The following EVPLL variants were observed in gnomAD, a reference collection of about 807,000 sequenced individuals.
EVPLL encodes the protein envoplakin-like protein.
Under a neutral mutation model 46.2 loss-of-function variants are expected in EVPLL, and 39 were observed. That is an observed-to-expected ratio of 0.84 (90% CI 0.65 to 1.10). The LOEUF (loss-of-function observed/expected upper bound fraction) is 1.10. Among genes scored for constraint, EVPLL ranks in the 50% least tolerant of loss-of-function variants. The pLI, the probability that EVPLL is intolerant of heterozygous loss-of-function variation, is 0.00. For missense variants in EVPLL, 385 were observed against 412.6 expected, an observed-to-expected ratio of 0.93 and a Z score of 0.58; for synonymous variants, 156 against 165.8, an observed-to-expected ratio of 0.94 and a Z score of 0.46.
At position 18,389,411 on chromosome 17, in the gene EVPLL, A is replaced by G. The variant is rs1343356299; in HGVS notation, c.*595A>G. The G allele has an allele frequency of 9.0e-6, 1 of 111,034 alleles. No homozygotes were observed. The highest frequency in any genetic ancestry group is 1.9e-5 in the Non-Finnish European group (1 of 52,590). 6.9% of individuals were successfully genotyped at this position (111,034 alleles called of 1,614,324 possible). On this transcript the variant is annotated 3_prime_UTR_variant, in exon 11 of 11. Coordinates refer to ENST00000399134, the MANE Select transcript of EVPLL (RefSeq NM_001145127.2). ...CTCCTCCAGGCATGGAGGTCTGTCC[A>G]CTACTGGGCTTCTGGGCTATTTGCC... is the stretch of plus-strand genomic sequence containing the variant.
chr17:18,382,540 C>G lies in EVPLL; in HGVS notation c.374C>G (p.Ala125Gly). ...GCTGGTCTGCGCAGGCCAGTATGGG[C>G]CGGGCATGGCGGAGCTGGAGGAACA... ...TEAGLRRPVW[A>G]GHGGAGGTDR... Residue 125 changes from alanine to glycine, a missense_variant, in exon 5 of 11, where the codon GCC becomes GGC. Ala to Gly is a moderately conservative substitution (Grantham distance 60). Coordinates refer to ENST00000399134, the MANE Select transcript of EVPLL (RefSeq NM_001145127.2). The G allele has an allele frequency of 6.4e-7, 1 of 1,551,838 alleles. No individual in the cohort carries two copies. The highest frequency in any genetic ancestry group is 8.7e-7 in the Non-Finnish European group (1 of 1,147,060).
intron 8 of EVPLL, 49 bp from the exon 9 acceptor site, chr17:18,383,443 G>A: frequency 6.5e-7 from 1 of 1,536,736 alleles, no homozygotes; most frequent in Admixed American, 2.0e-5. Flanking sequence ...GGGTGGACGT[G>A]GGTGCGGGGG....
chr17:18,384,524 G>T (rs664958), intron 9 of EVPLL, among the ~76,000 whole-genome samples: 80,121 of 151,484 alleles, frequency 0.53, 21,988 homozygotes, highest in African/African-American at 0.65. Context: ...GAGCCCAGGA[G>T]TTGGAGACCA....
At chr17:18,386,715 G>A (rs2151632189) in intron 9 of EVPLL, among the ~76,000 whole-genome samples, 1 of 152,200 alleles carries the variant, frequency 6.6e-6, no homozygotes, top group Non-Finnish European at 1.5e-5. Context: ...TTGTGTGAAA[G>A]ATACGCAGAT....
chr17:18,387,229 AT>A (rs1035310661), intron 9 of EVPLL, among the ~76,000 whole-genome samples: 2 of 151,238 alleles, frequency 1.3e-5, no homozygotes, highest in Admixed American at 6.6e-5. Context: ...CTTTTGTATA[AT>A]TTTTTTGTTT....
intron 9 of EVPLL, among the ~76,000 whole-genome samples, chr17:18,384,952 AGAGGGAGAGGAG>A (rs1421039072): frequency 1.4e-5 from 2 of 140,658 alleles, no homozygotes; most frequent in Non-Finnish European, 3.1e-5. Context: ...GAGGAGGCTG[AGAGGGAGAGGAG>A]GATGGAGAGA....
In EVPLL at chr17:18,378,002, T is replaced by G; in HGVS notation, c.-37+19T>G. ...ACAGCTGGTGAGTGGGACTAGGGGA[T>G]GGGGAGCCAGGGAGCTAGGGTGGGG... On this transcript the variant is annotated intron_variant, in intron 1 of 10. Transcript: ENST00000399134. The G allele has an allele frequency of 4.0e-6, 3 of 755,286 alleles. No individual in the cohort carries two copies. The highest frequency in any genetic ancestry group is 5.9e-6 in the Non-Finnish European group (3 of 508,674). The allele number at this position is 755,286 out of a possible 1,614,324, so 46.8% of individuals were successfully genotyped here. A position where few individuals can be genotyped will look rare whatever the true frequency, so the allele number is the denominator to read the frequency against.
chr17:18,385,100 C>G (rs970365187), intron 9 of EVPLL, among the ~76,000 whole-genome samples: 2 of 151,202 alleles, frequency 1.3e-5, no homozygotes, highest in African/African-American at 4.9e-5. Flanking sequence ...TCGGGGCACT[C>G]TGGGTCCCAG....
rs1453220838 is a variant in EVPLL at position 18,389,224 on chromosome 17, G to GA, written c.*409dup. 1 of 149,706 alleles carries GA rather than the reference G, an allele frequency of 6.7e-6. No homozygotes were observed. The highest frequency in any genetic ancestry group is 2.5e-5 in the African/African-American group (1 of 40,298). 9.3% of individuals were successfully genotyped at this position (149,706 alleles called of 1,614,324 possible). Reference sequence around the variant, plus strand: ...CTGAGCTCCTCTACCTTACTAAAGAGAGGCCTCTTTTATTTACCAGAGCCA... The same window carrying GA: ...CTGAGCTCCTCTACCTTACTAAAGAGAAGGCCTCTTTTATTTACCAGAGCCA... On this transcript the variant is annotated 3_prime_UTR_variant, in exon 11 of 11. Transcript: ENST00000399134.
rs751745773 is a variant in EVPLL at position 18,381,427 on chromosome 17, C to T, written c.124C>T (p.Leu42=). 17 of 1,610,372 alleles carry T rather than the reference C, an allele frequency of 1.1e-5. No homozygotes were observed. The African/African-American group carries it at 1.2e-4, about 11-fold the overall frequency. Reference sequence around the variant, plus strand: ...GCACCAGCAGGAGACGGGCAGCAGCCTGAAGGAGGCCGAGGTGCTGCTCAA... The same window carrying T: ...GCACCAGCAGGAGACGGGCAGCAGCTTGAAGGAGGCCGAGGTGCTGCTCAA... The part of the protein sequence containing the change: ...LQHQQETGSS[L]KEAEVLLKDL... Residue 42 remains leucine (L), a synonymous_variant, in exon 3 of 11, where the codon CTG becomes TTG. Coordinates refer to ENST00000399134, the MANE Select transcript of EVPLL (RefSeq NM_001145127.2). The surrounding 1 kb of genome is among the most constrained non-coding windows in gnomAD (Gnocchi z 4.2).
chr17:18,377,925 TC>T lies in EVPLL; in HGVS notation c.-90del. 1 of 1,125,292 alleles carries T rather than the reference TC, an allele frequency of 8.9e-7. No homozygotes were observed. The highest frequency in any genetic ancestry group is 1.2e-6 in the Non-Finnish European group (1 of 814,714). The allele number at this position is 1,125,292 out of a possible 1,614,324, so 69.7% of individuals were successfully genotyped here. On this transcript the variant is annotated 5_prime_UTR_variant, in exon 1 of 11. The change abolishes the stop of an existing upstream ORF in the 5' untranslated region. Transcript: ENST00000399134. ...GAGCAAAGGCTCCCAGGGGAAGGGG[TC>T]CCCCAAGGACTCCCCAGCCAAGGGG... is the stretch of plus-strand genomic sequence containing the variant.
At position 18,383,708 on chromosome 17, in the gene EVPLL, C is replaced by T. The variant is rs193038432; in HGVS notation, c.876+121C>T. On this transcript the variant is annotated intron_variant, in intron 9 of 10. Coordinates refer to ENST00000399134, the MANE Select transcript of EVPLL (RefSeq NM_001145127.2). ...ACAGAGCTGGCAAGTCGCGGTGGCT[C>T]ACACCTGTAATCCCAGCACTTTGGG... The T allele has an allele frequency of 4.5e-4, 403 of 890,384 alleles. 3 individuals are homozygous for T. The East Asian group carries it at 6.9e-3, about 15-fold the overall frequency. 55.2% of individuals were successfully genotyped at this position (890,384 alleles called of 1,614,324 possible). A position where few individuals can be genotyped will look rare whatever the true frequency, so the allele number is the denominator to read the frequency against.
Position 18,381,471 on chromosome 17 carries a change from G to A in EVPLL, c.168G>A (p.Val56=). 1 of 1,613,850 alleles carries A rather than the reference G, an allele frequency of 6.2e-7. No homozygotes were observed. The highest frequency in any genetic ancestry group is 1.1e-5 in the South Asian group (1 of 91,074). The change falls in exon 3 of 11, where the codon GTG becomes GTA. Residue 56 remains valine, a synonymous_variant. Transcript: ENST00000399134. This position sits in a 1 kb window ranked among gnomAD's most constrained non-coding sequence, Gnocchi z 4.2. ...TGCTCAAGGACCTCTTCCTGGACGT[G>A]GACAAGGCCCGGCGGCTCAAGCACC... ...EVLLKDLFLD[V]DKARRLKHPQ... is the part of the protein sequence containing the mutation.
At position 18,381,870 on chromosome 17, in the gene EVPLL, A is replaced by G. The variant is rs1207187805; in HGVS notation, c.346+140A>G. 4.4e-6 allele frequency: 6 copies of G among 1,365,864 alleles called. No homozygotes were observed. In the Admixed American group the frequency reaches 7.9e-5, roughly 18 times the overall value. 84.6% of individuals were successfully genotyped at this position (1,365,864 alleles called of 1,614,324 possible). On this transcript the variant is annotated intron_variant, in intron 4 of 10. Coordinates refer to ENST00000399134, the MANE Select transcript of EVPLL (RefSeq NM_001145127.2). The surrounding 1 kb of genome is among the most constrained non-coding windows in gnomAD (Gnocchi z 4.2). The stretch of plus-strand genomic sequence containing the variant: ...TGGGCAGGGAGACAGCAGAGGAGAC[A>G]GTGCAGTCAGGGAAGACTTCCTGTA...
chr17:18,388,210 T>C lies in EVPLL; in HGVS notation c.877-9T>C. 4 of 1,427,046 alleles carry C rather than the reference T, an allele frequency of 2.8e-6. No individual in the cohort carries two copies. Among genetic ancestry groups the C allele is most frequent in the Non-Finnish European group, 3.9e-6 (4 of 1,034,450 alleles). 88.4% of individuals were successfully genotyped at this position (1,427,046 alleles called of 1,614,324 possible). On this transcript the variant is annotated splice_polypyrimidine_tract_variant and intron_variant, in intron 9 of 10. Coordinates refer to ENST00000399134, the MANE Select transcript of EVPLL (RefSeq NM_001145127.2). The stretch of plus-strand genomic sequence containing the variant: ...CCCCACCCATCTTTTGTTTTCTTTC[T>C]TTCCACAGATTCTGTGTCCATCTTC...
rs750447757 is a variant in EVPLL at position 18,383,035 on chromosome 17, C to A, written c.522C>A (p.Val174=). Reference sequence around the variant, plus strand: ...GGGTCCTGAGCACAGAGGGCGGCGTCGTGGCGCGGGCAGAGCCTGGGCAGC... The same window carrying A: ...GGGTCCTGAGCACAGAGGGCGGCGTAGTGGCGCGGGCAGAGCCTGGGCAGC... ...EPIPRPTEGG[V]VARAEPGQPV... is the part of the protein sequence containing the mutation. Residue 174 remains valine (V), a synonymous_variant, in exon 7 of 11, where the codon GTC becomes GTA. Coordinates refer to ENST00000399134, the MANE Select transcript of EVPLL (RefSeq NM_001145127.2). 3 of 1,558,384 alleles carry A rather than the reference C, an allele frequency of 1.9e-6. No individual in the cohort carries two copies. In the East Asian group the frequency reaches 7.1e-5, roughly 37 times the overall value.
chr17:18,382,027 G>A, intron 4 of EVPLL: 3 of 476,926 alleles, frequency 6.3e-6, no homozygotes, highest in Non-Finnish European at 1.1e-5. Context: ...GATTCGATGG[G>A]AAGTGGGGAT....
intron 1 of EVPLL, chr17:18,380,225 G>GA (rs886124929): frequency 1.3e-5 from 2 of 152,416 alleles, no homozygotes; most frequent in Admixed American, 1.3e-4. Context: ...CGAATGCACA[G>GA]AAAAAGCCCT....
intron 1 of EVPLL, 46 bp from the exon 2 acceptor site, chr17:18,380,856 G>C: frequency 6.7e-7 from 1 of 1,495,628 alleles, no homozygotes; most frequent in South Asian, 1.2e-5. Context: ...GGGGCACAGA[G>C]GGGCCTCTTC....
Sources: gnomAD v4.1 joint callset for allele counts (sites outside exome capture counted in the v4.1 genomes callset) on GRCh38, gnomAD v4.1.1 for gene constraint, Gnocchi (gnomAD v3.1) non-coding constraint, MANE v1.5 for transcripts, NCBI Gene and HGNC (gene_info 2026-07-23, HGNC 2026-07-21) for gene names.